KCNIP4: variants seen among roughly 807,000 people sequenced by gnomAD.
KCNIP4 encodes the protein Kv channel-interacting protein 4.
A neutral mutation model predicts 34.0 loss-of-function variants in KCNIP4; 12 were observed. That is an observed-to-expected ratio of 0.35 (90% CI 0.23 to 0.57). The LOEUF (loss-of-function observed/expected upper bound fraction) is 0.57, where lower values mean the gene tolerates loss of function less well. KCNIP4 is among the 20% of genes least tolerant of loss of function. The pLI is 0.83. For missense variants in KCNIP4, 238 were observed against 311.7 expected, an observed-to-expected ratio of 0.76 and a Z score of 1.78; for synonymous variants, 124 against 102.2, an observed-to-expected ratio of 1.21 and a Z score of -1.29.
At position 21,720,262 on chromosome 4, in the gene KCNIP4, C is replaced by A. The variant is rs539555920; in HGVS notation, c.61+228309G>T. On this transcript the variant is annotated intron_variant, in intron 1 of 8. Transcript: ENST00000382152. Reference sequence around the variant, plus strand: ...CATACAGAGTTTTCCATCATAAGTACAGTACATATTTCTCCAATTTTTTTC... The same window carrying A: ...CATACAGAGTTTTCCATCATAAGTAAAGTACATATTTCTCCAATTTTTTTC... 2.4e-4 allele frequency among the ~76,000 whole-genome samples: 36 copies of A among 151,852 alleles called. No individual in the cohort carries two copies. In the Middle Eastern group the frequency reaches 0.014, roughly 57 times the overall value.
intron 1 of KCNIP4, among the ~76,000 whole-genome samples, chr4:21,627,618 G>GA (rs1272994615): frequency 6.6e-6 from 1 of 151,904 alleles, no homozygotes; most frequent in Non-Finnish European, 1.5e-5. Flanking sequence ...ATTTTATCTG[G>GA]AAAAAAATAA....
At chr4:20,939,866 C>T (rs1331710089) in intron 1 of KCNIP4, among the ~76,000 whole-genome samples, 1 of 152,164 alleles carries the variant, frequency 6.6e-6, no homozygotes, top group Non-Finnish European at 1.5e-5. Context: ...CCACTTCATC[C>T]AAAGACCAGT....
intron 5 of KCNIP4, among the ~76,000 whole-genome samples, chr4:20,735,518 G>GTT (rs754949562): frequency 8.8e-4 from 115 of 130,760 alleles, no homozygotes; most frequent in African/African-American, 2.5e-3. Flanking sequence ...TTCATTTAGT[G>GTT]TTTTTTTTTT....
At chr4:20,862,206 G>T (rs529881794) in intron 2 of KCNIP4, among the ~76,000 whole-genome samples, 4 of 152,096 alleles carry the variant, frequency 2.6e-5, no homozygotes, top group East Asian at 3.9e-4. Flanking sequence ...GGCCAGGCTG[G>T]TCTCAAACTC....
At chr4:21,869,430 C>G (rs1222842961) in intron 1 of KCNIP4, among the ~76,000 whole-genome samples, 1 of 152,124 alleles carries the variant, frequency 6.6e-6, no homozygotes, top group Non-Finnish European at 1.5e-5. Context: ...TTTTAAGTTT[C>G]TGGGCCTTCC....
intron 1 of KCNIP4, among the ~76,000 whole-genome samples, chr4:21,298,367 C>T (rs1763965376): frequency 6.6e-6 from 1 of 152,108 alleles, no homozygotes; most frequent in African/African-American, 2.4e-5. Flanking sequence ...GCACTTACTT[C>T]AAAATATTAC....
intron 1 of KCNIP4, among the ~76,000 whole-genome samples, chr4:21,564,244 G>A (rs1739670806): frequency 6.6e-6 from 1 of 152,258 alleles, no homozygotes; most frequent in East Asian, 1.9e-4. Context: ...TGAGTGCAAA[G>A]ATGAGGTGCT....
At chr4:21,266,589 T>TA (rs1192458601) in intron 1 of KCNIP4, among the ~76,000 whole-genome samples, 1 of 152,104 alleles carries the variant, frequency 6.6e-6, no homozygotes, top group Non-Finnish European at 1.5e-5. Context: ...AGCTAAGAAG[T>TA]AAAAAATGAG....
At chr4:20,972,179 A>G (rs996645212) in intron 1 of KCNIP4, among the ~76,000 whole-genome samples, 1 of 152,186 alleles carries the variant, frequency 6.6e-6, no homozygotes, top group Non-Finnish European at 1.5e-5. Context: ...TGAGAGTTGA[A>G]GTCAACTTTT....
At chr4:21,554,228 G>A (rs978574845) in intron 1 of KCNIP4, among the ~76,000 whole-genome samples, 8 of 152,120 alleles carry the variant, frequency 5.3e-5, no homozygotes, top group African/African-American at 1.9e-4. Flanking sequence ...AGAAGGAGCA[G>A]CAAATGCAGA....
At chr4:21,082,240 T>C (rs904085792) in intron 1 of KCNIP4, among the ~76,000 whole-genome samples, 5 of 151,826 alleles carry the variant, frequency 3.3e-5, no homozygotes, top group African/African-American at 9.7e-5. Flanking sequence ...TCATTAAGGC[T>C]CATGAGACAC....
chr4:21,934,690 C>A (rs532128828), intron 1 of KCNIP4, among the ~76,000 whole-genome samples: 1 of 152,114 alleles, frequency 6.6e-6, no homozygotes, highest in East Asian at 1.9e-4. Context: ...TGCCACCCTC[C>A]ACTCTTCCCC....
intron 1 of KCNIP4, among the ~76,000 whole-genome samples, chr4:21,589,673 T>C (rs1742024036): frequency 6.6e-6 from 1 of 151,964 alleles, no homozygotes; most frequent in African/African-American, 2.4e-5. Flanking sequence ...CTTCCTTTAA[T>C]TCTCTCTTAT....
intron 5 of KCNIP4, among the ~76,000 whole-genome samples, chr4:20,735,294 A>G (rs1749313752): frequency 6.6e-6 from 1 of 152,162 alleles, no homozygotes; most frequent in South Asian, 2.1e-4. Flanking sequence ...TCTTCAGGCA[A>G]CTTAACATCC....
At chr4:21,559,380 C>T (rs896965902) in intron 1 of KCNIP4, among the ~76,000 whole-genome samples, 4 of 151,944 alleles carry the variant, frequency 2.6e-5, no homozygotes, top group African/African-American at 9.7e-5. Context: ...TATTGTAGAC[C>T]CCCCATTTGT....
intron 1 of KCNIP4, among the ~76,000 whole-genome samples, chr4:21,365,213 G>T (rs565811786): frequency 3.9e-5 from 6 of 152,018 alleles, no homozygotes; most frequent in African/African-American, 1.4e-4. Context: ...AGGCCAGTGC[G>T]GTGGTTCATG....
intron 1 of KCNIP4, among the ~76,000 whole-genome samples, chr4:21,442,936 C>T (rs1317185404): frequency 6.6e-6 from 1 of 152,204 alleles, no homozygotes; most frequent in Non-Finnish European, 1.5e-5. Context: ...TCATCTGTAT[C>T]ACTTCCATTT....
At chr4:21,122,471 T>C (rs1454190619) in intron 1 of KCNIP4, among the ~76,000 whole-genome samples, 2 of 152,016 alleles carry the variant, frequency 1.3e-5, no homozygotes, top group African/African-American at 4.8e-5. Flanking sequence ...TTTTTTTTTT[T>C]TTTTTAAGTG....
chr4:21,534,272 T>A (rs1736970570), intron 1 of KCNIP4, among the ~76,000 whole-genome samples: 1 of 152,204 alleles, frequency 6.6e-6, no homozygotes, highest in African/African-American at 2.4e-5. Flanking sequence ...GGGAGATCGA[T>A]GTTGTCTTTA....
Sources: gnomAD v4.1 joint callset for allele counts (sites outside exome capture counted in the v4.1 genomes callset) on GRCh38, gnomAD v4.1.1 for gene constraint, MANE v1.5 for transcripts, NCBI Gene and HGNC (gene_info 2026-07-23, HGNC 2026-07-21) for gene names.